Variants in TTC29 observed in about 807,000 individuals in gnomAD.
The protein encoded by TTC29 is tetratricopeptide repeat domain 29.
Under a neutral mutation model 58.1 loss-of-function variants are expected in TTC29, and 49 were observed. That is an observed-to-expected ratio of 0.84 (90% CI 0.67 to 1.07). The LOEUF (loss-of-function observed/expected upper bound fraction) is 1.07. Ranked by LOEUF, TTC29 falls within the 50% of genes least tolerant of loss-of-function variation. The pLI, the probability that TTC29 is intolerant of heterozygous loss-of-function variation, is 0.00. For synonymous variants in TTC29, 209 were observed against 196.8 expected (o/e 1.06, Z -0.52); for missense variants, 582 against 555.6 (o/e 1.05, Z -0.48).
At chr4:146,904,155 T>C (rs1733360897) in intron 5 of TTC29, among the ~76,000 whole-genome samples, 1 of 152,114 alleles carries the variant, frequency 6.6e-6, no homozygotes, top group South Asian at 2.1e-4. Context: ...TAGCAAAAGA[T>C]AATGTAAATG....
At chr4:146,807,659 G>T (rs912219799) in intron 10 of TTC29, among the ~76,000 whole-genome samples, 4 of 152,056 alleles carry the variant, frequency 2.6e-5, no homozygotes, top group Non-Finnish European at 5.9e-5. Context: ...TAAATTCCTG[G>T]ACACATATAC....
intron 8 of TTC29, among the ~76,000 whole-genome samples, chr4:146,839,862 G>A (rs765603117): frequency 5.9e-5 from 9 of 151,766 alleles, no homozygotes; most frequent in Non-Finnish European, 1.3e-4. Flanking sequence ...AATTTGCTCA[G>A]CTAAGTGATA....
At chr4:146,766,281 A>T (rs66908653) in intron 11 of TTC29, among the ~76,000 whole-genome samples, 60,145 of 151,676 alleles carry the variant, frequency 0.4, 12,641 homozygotes, top group African/African-American at 0.51. Flanking sequence ...ATGCTTCTGA[A>T]CAGGAGATCA....
At chr4:146,833,531 C>A (rs1213031094) in intron 9 of TTC29, among the ~76,000 whole-genome samples, 1 of 152,136 alleles carries the variant, frequency 6.6e-6, no homozygotes, top group African/African-American at 2.4e-5. Flanking sequence ...TGAGATGTGA[C>A]CCGATTTTTT....
At chr4:146,764,389 G>A (rs111342546) in intron 11 of TTC29, among the ~76,000 whole-genome samples, 1,659 of 152,056 alleles carry the variant, frequency 0.011, 24 homozygotes, top group African/African-American at 0.036. Flanking sequence ...TCATTGTGGC[G>A]GTGGGGAGGA....
intron 11 of TTC29, among the ~76,000 whole-genome samples, chr4:146,772,585 C>A (rs1279720221): frequency 1.3e-5 from 2 of 151,936 alleles, no homozygotes; most frequent in East Asian, 3.9e-4. Flanking sequence ...AGTCTATGTG[C>A]CTGTTTTTGT....
At chr4:146,884,558 A>G (rs1731850902) in intron 6 of TTC29, among the ~76,000 whole-genome samples, 1 of 152,094 alleles carries the variant, frequency 6.6e-6, no homozygotes, top group South Asian at 2.1e-4. Context: ...TCTTCCAGGG[A>G]ATCTTTTTGG....
At chr4:146,850,859 G>A (rs891756000) in intron 8 of TTC29, among the ~76,000 whole-genome samples, 6 of 152,112 alleles carry the variant, frequency 3.9e-5, no homozygotes, top group Non-Finnish European at 7.3e-5. Flanking sequence ...TCATTCTGCT[G>A]TAAGCTAATA....
chr4:146,805,039 A>C (rs1750503977), intron 10 of TTC29, among the ~76,000 whole-genome samples: 1 of 152,022 alleles, frequency 6.6e-6, no homozygotes, highest in African/African-American at 2.4e-5. Context: ...AGAGGAAGGA[A>C]CAGGCAGCAA....
In TTC29 at chr4:146,751,608, G is replaced by C. The variant is rs141180199; in HGVS notation, c.1331-44057C>G. On this transcript the variant is annotated intron_variant, in intron 11 of 12. Transcript: ENST00000325106. ...CCTCCTGAGCAACCAACGGATCAAA[G>C]AGAAAATCTAAAGGGTAATTAAAAA... Among the ~76,000 whole-genome samples, 1,287 of 152,216 alleles carry C rather than the reference G, an allele frequency of 8.5e-3. 12 individuals carry two copies. The highest frequency in any genetic ancestry group is 0.03 in the African/African-American group (1,236 of 41,530).
chr4:146,942,356 A>T (rs1476353273), intron 2 of TTC29, among the ~76,000 whole-genome samples: 1 of 152,264 alleles, frequency 6.6e-6, no homozygotes, highest in African/African-American at 2.4e-5. Context: ...CAGACTAAAC[A>T]TTAGAAACAT....
At chr4:146,915,332 A>G (rs12502413) in intron 4 of TTC29, among the ~76,000 whole-genome samples, 24,018 of 152,004 alleles carry the variant, frequency 0.16, 3,034 homozygotes, top group African/African-American at 0.34. Context: ...TTATGATGCA[A>G]TCTTTCAATT....
intron 11 of TTC29, among the ~76,000 whole-genome samples, chr4:146,772,024 T>C (rs1747777314): frequency 6.6e-6 from 1 of 152,180 alleles, no homozygotes; most frequent in Non-Finnish European, 1.5e-5. Context: ...CATCTTCTTA[T>C]ATGCTTGTTG....
intron 11 of TTC29, among the ~76,000 whole-genome samples, chr4:146,717,219 T>C (rs1743000136): frequency 6.6e-6 from 1 of 152,240 alleles, no homozygotes; most frequent in South Asian, 2.1e-4. Context: ...TTTTTTCCCA[T>C]GGATTGAGAA....
chr4:146,797,024 A>C (rs1282777081), intron 11 of TTC29, among the ~76,000 whole-genome samples: 2 of 152,198 alleles, frequency 1.3e-5, no homozygotes, highest in Non-Finnish European at 2.9e-5. Context: ...AAAATTAAAA[A>C]CAAATCCCTT....
intron 6 of TTC29, among the ~76,000 whole-genome samples, chr4:146,875,177 A>G (rs1174365712): frequency 6.6e-6 from 1 of 152,160 alleles, no homozygotes; most frequent in African/African-American, 2.4e-5. Flanking sequence ...CTGGGCTTGC[A>G]TATGTTTAGA....
At chr4:146,766,932 AG>A (rs1200250184) in intron 11 of TTC29, among the ~76,000 whole-genome samples, 5 of 152,210 alleles carry the variant, frequency 3.3e-5, no homozygotes, top group Admixed American at 1.3e-4. Context: ...GATAAAAAAA[AG>A]ATAATTGACA....
At chr4:146,885,456 T>C (rs1273858416) in intron 6 of TTC29, among the ~76,000 whole-genome samples, 4 of 152,078 alleles carry the variant, frequency 2.6e-5, no homozygotes, top group African/African-American at 9.7e-5. Flanking sequence ...AAGAATTGAA[T>C]ACAAATTTTC....
Position 146,939,864 on chromosome 4 carries a change from C to A in TTC29, c.32G>T (p.Arg11Leu). 1.9e-6 allele frequency: 3 copies of A among 1,613,038 alleles called. No homozygotes were observed. The highest frequency in any genetic ancestry group is 1.1e-5 in the South Asian group (1 of 90,846). Reference sequence around the variant, plus strand: ...TCTGGCTAAGGCTGTAAGCTTCGGGCGTGTCATGGGCAGTGGGGGCAGGGT... The same window carrying A: ...TCTGGCTAAGGCTGTAAGCTTCGGGAGTGTCATGGGCAGTGGGGGCAGGGT... MTTLPPLPMTRPKLTALARQK... is the reference protein window; with the variant it reads MTTLPPLPMTLPKLTALARQK... Residue 11 changes from arginine to leucine, a missense_variant, in exon 3 of 13, where the codon CGC becomes CTC. By Grantham distance (102) the Arg-to-Leu change is moderately radical. Coordinates refer to ENST00000325106, the MANE Select transcript of TTC29 (RefSeq NM_031956.4).
Sources: gnomAD v4.1 joint callset for allele counts (sites outside exome capture counted in the v4.1 genomes callset) on GRCh38, gnomAD v4.1.1 for gene constraint, MANE v1.5 for transcripts, NCBI Gene and HGNC (gene_info 2026-07-23, HGNC 2026-07-21) for gene names.